FRS2: variants seen among roughly 807,000 people sequenced by gnomAD.
FRS2 encodes fibroblast growth factor receptor substrate 2.
A neutral mutation model predicts 43.9 loss-of-function variants in FRS2; 8 were observed. That is an observed-to-expected ratio of 0.18 (90% CI 0.11 to 0.33). FRS2 has a LOEUF of 0.33. FRS2 is among the 10% of genes least tolerant of loss of function. The pLI, the probability that FRS2 is intolerant of heterozygous loss-of-function variation, is 1.00. For missense variants in FRS2, 534 were observed against 627.6 expected (o/e 0.85, Z 1.59); for synonymous variants, 219 against 220.3 (o/e 0.99, Z 0.05).
chr12:69,557,603 T>TGTGC (rs1879475270), intron 3 of FRS2, among the ~76,000 whole-genome samples: 2 of 121,664 alleles, frequency 1.6e-5, no homozygotes, highest in Admixed American at 7.8e-5. Context: ...ATTGTGTGTG[T>TGTGC]GTGTGTGTGT....
Position 69,578,371 on chromosome 12 carries a change from A to C in FRS2, c.*3416A>C, listed in dbSNP as rs1488978676. 6.6e-6 allele frequency: 1 copy of C among 152,632 alleles called. No homozygotes were observed. The allele number at this position is 152,632 out of a possible 1,614,324, so 9.5% of individuals were successfully genotyped here. On this transcript the variant is annotated 3_prime_UTR_variant, in exon 9 of 9. Transcript: ENST00000549921. ...ATTTGAATAAAGGCATTGGTACGAA[A>C]TTACAGAATGTAAAGAAAATGTTTT...
intron 1 of FRS2, among the ~76,000 whole-genome samples, chr12:69,502,396 T>G (rs1357404499): frequency 6.6e-6 from 1 of 152,144 alleles, no homozygotes; most frequent in East Asian, 1.9e-4. Flanking sequence ...ATTTTTTTAA[T>G]TTTTAATTTT....
rs141166827 is a variant in FRS2 at position 69,524,069 on chromosome 12, G to A, written c.-260-6796G>A. 1.9e-3 allele frequency among the ~76,000 whole-genome samples: 297 copies of A among 152,366 alleles called. 1 individual carries two copies. The highest frequency in any genetic ancestry group is 6.9e-3 in the African/African-American group (287 of 41,592). The stretch of plus-strand genomic sequence containing the variant: ...ATTTGCAGCAGCTGGGTGGCAGCAT[G>A]GCTGGAGGAGGGCAGGGGGTCCCTG... On this transcript the variant is annotated intron_variant, in intron 1 of 8. Transcript: ENST00000549921.
chr12:69,501,196 G>A (rs1873410383), intron 1 of FRS2, among the ~76,000 whole-genome samples: 1 of 151,428 alleles, frequency 6.6e-6, no homozygotes, highest in South Asian at 2.1e-4. Flanking sequence ...TCATTGTATT[G>A]CTACATATGA....
At chr12:69,484,707 T>C (rs1871671309) in intron 1 of FRS2, among the ~76,000 whole-genome samples, 2 of 152,182 alleles carry the variant, frequency 1.3e-5, no homozygotes, top group East Asian at 1.9e-4. Context: ...CTTATCTTTA[T>C]AGTTAAGTAT....
chr12:69,510,793 C>T (rs957828499), intron 1 of FRS2, among the ~76,000 whole-genome samples: 6 of 152,124 alleles, frequency 3.9e-5, no homozygotes, highest in Admixed American at 3.3e-4. Flanking sequence ...CAATACCCTG[C>T]ACATTGTCTT....
intron 1 of FRS2, among the ~76,000 whole-genome samples, chr12:69,489,261 G>A (rs1170248342): frequency 1.3e-5 from 2 of 152,130 alleles, no homozygotes; most frequent in African/African-American, 2.4e-5. Flanking sequence ...GGTAGTGTTT[G>A]GGGTAGAGTT....
intron 1 of FRS2, among the ~76,000 whole-genome samples, chr12:69,475,166 A>G (rs1347249033): frequency 6.6e-6 from 1 of 152,226 alleles, no homozygotes; most frequent in Non-Finnish European, 1.5e-5. Context: ...AAAGATTATA[A>G]TAGTTTGCAG....
chr12:69,573,343 GT>G, intron 8 of FRS2, among the ~76,000 whole-genome samples: 1 of 152,218 alleles, frequency 6.6e-6, no homozygotes, highest in East Asian at 1.9e-4. Context: ...TCTGGATCAT[GT>G]TTTAATGCTT....
chr12:69,573,968 A>G (rs1372549559), intron 8 of FRS2, 37 bp from the exon 9 acceptor site: 3 of 1,409,198 alleles, frequency 2.1e-6, no homozygotes, highest in Non-Finnish European at 2.9e-6. Context: ...TTGTTTTTTT[A>G]AGTAAGTTAA....
intron 3 of FRS2, among the ~76,000 whole-genome samples, chr12:69,544,416 G>C (rs1878185056): frequency 6.6e-6 from 1 of 152,092 alleles, no homozygotes; most frequent in Non-Finnish European, 1.5e-5. Context: ...AAAACTAGAA[G>C]TAAAAGGAGC....
chr12:69,553,196 C>T (rs764471628), intron 3 of FRS2, among the ~76,000 whole-genome samples: 2 of 151,994 alleles, frequency 1.3e-5, no homozygotes, highest in South Asian at 2.1e-4. Context: ...CTCAGCCTCC[C>T]GAGTAGTTGG....
At chr12:69,506,786 C>G (rs1203919238) in intron 1 of FRS2, among the ~76,000 whole-genome samples, 1 of 152,096 alleles carries the variant, frequency 6.6e-6, no homozygotes, top group East Asian at 1.9e-4. Context: ...TTGTCCCCTC[C>G]AAAACTCATG....
At chr12:69,526,582 AAAAG>A in intron 1 of FRS2, among the ~76,000 whole-genome samples, 1 of 152,362 alleles carries the variant, frequency 6.6e-6, no homozygotes, top group African/African-American at 2.4e-5. Context: ...ATTTTTTAGA[AAAAG>A]AAAATTAGGA....
intron 3 of FRS2, among the ~76,000 whole-genome samples, chr12:69,547,864 A>C (rs1878551115): frequency 9.8e-6 from 1 of 102,446 alleles, no homozygotes. Context: ...TTTGTGAGTC[A>C]GGGTCTTGCT....
intron 1 of FRS2, among the ~76,000 whole-genome samples, chr12:69,499,139 T>A (rs1873198547): frequency 6.6e-6 from 1 of 151,792 alleles, no homozygotes; most frequent in Admixed American, 6.6e-5. Flanking sequence ...TAGGCAACTC[T>A]TATGATTATA....
chr12:69,574,583 T>C lies in FRS2; in HGVS notation c.1155T>C (p.Asn385=), dbSNP rs1315008128. ...KTPSLNGYHN[N]LDPMHNYVNT... ...CATCTCTAAATGGCTACCATAATAA[T>C]CTAGATCCAATGCATAACTATGTAA... is the stretch of plus-strand genomic sequence containing the variant. Residue 385 remains asparagine, a synonymous_variant, in exon 9 of 9, where the codon AAT becomes AAC. Transcript: ENST00000549921. 6.2e-7 allele frequency: 1 copy of C among 1,613,956 alleles called. No homozygotes were observed. The highest frequency in any genetic ancestry group is 1.3e-5 in the African/African-American group (1 of 75,006).
intron 1 of FRS2, among the ~76,000 whole-genome samples, chr12:69,525,196 T>TA (rs1565746833): frequency 1.3e-5 from 2 of 152,022 alleles, no homozygotes; most frequent in Non-Finnish European, 2.9e-5. Flanking sequence ...AATATTGTTT[T>TA]TTTTTTTTTT....
intron 1 of FRS2, among the ~76,000 whole-genome samples, chr12:69,512,507 A>T (rs11177698): frequency 6.6e-6 from 1 of 152,146 alleles, no homozygotes; most frequent in Non-Finnish European, 1.5e-5. Flanking sequence ...ATGCAGAAGA[A>T]CTTTTTTCTA....
Sources: gnomAD v4.1 joint callset for allele counts (sites outside exome capture counted in the v4.1 genomes callset) on GRCh38, gnomAD v4.1.1 for gene constraint, MANE v1.5 for transcripts, NCBI Gene and HGNC (gene_info 2026-07-23, HGNC 2026-07-21) for gene names.